Variants in UBE4A observed in about 807,000 individuals in gnomAD.
UBE4A encodes the protein ubiquitin conjugation factor E4 A.
UBE4A carries 48 observed loss-of-function variants against 117.9 expected under a neutral mutation model. The observed-to-expected ratio is 0.41, with a 90% CI of 0.32 to 0.52. The LOEUF is 0.52. UBE4A is among the 20% of genes least tolerant of loss of function. The pLI is 0.33. For synonymous variants in UBE4A, 407 were observed against 450.0 expected, an observed-to-expected ratio of 0.90 and a Z score of 1.21; for missense variants, 1,067 against 1,296.3, an observed-to-expected ratio of 0.82 and a Z score of 2.72.
intron 12 of UBE4A, 78 bp from the exon 13 acceptor site, chr11:118,382,511 A>G: frequency 2.4e-6 from 3 of 1,235,520 alleles, no homozygotes; most frequent in Non-Finnish European, 3.1e-6. Flanking sequence ...GTGGATTTTG[A>G]TTCTTATGTG....
chr11:118,384,526 T>G (rs1347540401), intron 13 of UBE4A, 109 bp from the exon 14 acceptor site: 103 of 995,744 alleles, frequency 1.0e-4, no homozygotes, highest in Non-Finnish European at 1.4e-4. Context: ...GTTAGTAGCC[T>G]TAACACACTC....
At chr11:118,384,550 T>C in intron 13 of UBE4A, 85 bp from the exon 14 acceptor site, 3 of 1,291,626 alleles carry the variant, frequency 2.3e-6, no homozygotes, top group Non-Finnish European at 3.3e-6. Flanking sequence ...AGCAAATGAC[T>C]ACAAAGCAAA....
rs964152672 is a variant in UBE4A at position 118,382,522 on chromosome 11, G to A, written c.2010-67G>A. The stretch of plus-strand genomic sequence containing the variant: ...TAGGGTGGATTTTGATTCTTATGTG[G>A]AGAGAACAGAGTCATAAATTTGGAG... On this transcript the variant is annotated intron_variant, in intron 12 of 19. Coordinates refer to ENST00000252108, the MANE Select transcript of UBE4A (RefSeq NM_001204077.2). The A allele has an allele frequency of 1.7e-5, 22 of 1,302,788 alleles. No homozygotes were observed. In the South Asian group the frequency reaches 5.1e-4, roughly 30 times the overall value. 80.7% of individuals were successfully genotyped at this position (1,302,788 alleles called of 1,614,324 possible).
intron 19 of UBE4A, among the ~76,000 whole-genome samples, chr11:118,395,319 G>A (rs1220769160): frequency 2.8e-5 from 4 of 143,144 alleles, no homozygotes; most frequent in Non-Finnish European, 6.0e-5. Flanking sequence ...AACAGAACAA[G>A]ACTCCATCTC....
chr11:118,392,061 T>C (rs1948824274), intron 18 of UBE4A, among the ~76,000 whole-genome samples: 1 of 152,210 alleles, frequency 6.6e-6, no homozygotes, highest in South Asian at 2.1e-4. Context: ...AATACTATAT[T>C]GTATTTAGCT....
At chr11:118,363,810 G>T (rs962589457) in intron 1 of UBE4A, among the ~76,000 whole-genome samples, 2 of 151,948 alleles carry the variant, frequency 1.3e-5, no homozygotes, top group East Asian at 1.9e-4. Flanking sequence ...TAGAGATGGG[G>T]TTTCACCATG....
Position 118,375,219 on chromosome 11 carries a change from A to C in UBE4A, c.1440A>C (p.Val480=). Residue 480 remains valine, a synonymous_variant, in exon 9 of 20, where the codon GTA becomes GTC. Transcript: ENST00000252108. ...LNDEERKIKN[V]HMRGLDKETC... ...ATGAAGAACGAAAAATTAAAAATGT[A>C]CACATGAGAGGTAGGAGAGAACCAG... The C allele has an allele frequency of 6.2e-7, 1 of 1,606,834 alleles. No homozygotes were observed. Among genetic ancestry groups the C allele is most frequent in the Non-Finnish European group, 8.5e-7 (1 of 1,174,964 alleles).
In UBE4A at chr11:118,371,625, T is replaced by A; in HGVS notation, c.520T>A (p.Phe174Ile). The A allele has an allele frequency of 6.2e-7, 1 of 1,613,598 alleles. No homozygotes were observed. Among genetic ancestry groups the A allele is most frequent in the Non-Finnish European group, 8.5e-7 (1 of 1,180,006 alleles). ...TCGAGATGCAGGAGAGAGGCACATT[T>A]TTTGTTACCTTTACTCCTGCTTCCA... ...ADRDAGERHI[F>I]CYLYSCFQRA... is the part of the protein sequence containing the mutation. Residue 174 changes from phenylalanine to isoleucine, a missense_variant, in exon 5 of 20, where the codon TTT (phenylalanine) becomes ATT (isoleucine). This residue lies in a region of UBE4A where 1,001 missense variants were observed against 1,184.0 expected (regional missense o/e 0.85). Coordinates refer to ENST00000252108, the MANE Select transcript of UBE4A (RefSeq NM_001204077.2).
At position 118,398,916 on chromosome 11, in the gene UBE4A, T is replaced by C; in HGVS notation, c.*2476T>C. 1 of 276,218 alleles carries C rather than the reference T, an allele frequency of 3.6e-6. No individual in the cohort carries two copies. Among genetic ancestry groups the C allele is most frequent in the South Asian group, 2.9e-5 (1 of 34,172 alleles). 17.1% of individuals were successfully genotyped at this position (276,218 alleles called of 1,614,324 possible). On this transcript the variant is annotated 3_prime_UTR_variant, in exon 20 of 20. Coordinates refer to ENST00000252108, the MANE Select transcript of UBE4A (RefSeq NM_001204077.2). ...ATATCACACTCTACAAAAGCTTCAT[T>C]ACTTTATTTGATGGTGGTTGCTAAG...
Position 118,369,315 on chromosome 11 carries a change from G to C in UBE4A, c.296-108G>C, listed in dbSNP as rs111402116. 2.2e-4 allele frequency: 158 copies of C among 729,418 alleles called. No homozygotes were observed. In the African/African-American group the frequency reaches 2.5e-3, roughly 11 times the overall value. 45.2% of individuals were successfully genotyped at this position (729,418 alleles called of 1,614,324 possible). A position where few individuals can be genotyped will look rare whatever the true frequency, so the allele number is the denominator to read the frequency against. On this transcript the variant is annotated intron_variant, in intron 3 of 19. Coordinates refer to ENST00000252108, the MANE Select transcript of UBE4A (RefSeq NM_001204077.2). Reference sequence around the variant, plus strand: ...TGCTTTGTGTATCAGGATCATTCTGGTATTACTTGAGTCAGATTTGCAGTT... The same window carrying C: ...TGCTTTGTGTATCAGGATCATTCTGCTATTACTTGAGTCAGATTTGCAGTT...
chr11:118,378,608 A>G (rs923374442), intron 10 of UBE4A: 3 of 152,252 alleles, frequency 2.0e-5, no homozygotes, highest in Admixed American at 1.3e-4. Context: ...GCATTTTTCA[A>G]AACTACTCAG....
At chr11:118,387,943 C>T (rs1472972735) in intron 16 of UBE4A, among the ~76,000 whole-genome samples, 1 of 152,086 alleles carries the variant, frequency 6.6e-6, no homozygotes, top group Non-Finnish European at 1.5e-5. Flanking sequence ...AGGATGGAAA[C>T]ATCCAGAAAG....
Position 118,399,095 on chromosome 11 carries a change from A to G in UBE4A, c.*2655A>G. The G allele has an allele frequency of 2.2e-6, 1 of 456,338 alleles. No homozygotes were observed. The highest frequency in any genetic ancestry group is 1.6e-5 in the South Asian group (1 of 64,468). 28.3% of individuals were successfully genotyped at this position (456,338 alleles called of 1,614,324 possible). Reference sequence around the variant, plus strand: ...AGAAAATGAAAAGGTTGATTGAAATAAAACTTGATCAACGCGACTGTATTT... The same window carrying G: ...AGAAAATGAAAAGGTTGATTGAAATGAAACTTGATCAACGCGACTGTATTT... On this transcript the variant is annotated 3_prime_UTR_variant, in exon 20 of 20. Coordinates refer to ENST00000252108, the MANE Select transcript of UBE4A (RefSeq NM_001204077.2).
intron 19 of UBE4A, 104 bp downstream of exon 19, chr11:118,392,999 C>T (rs372217126): frequency 9.7e-6 from 11 of 1,128,468 alleles, no homozygotes; most frequent in African/African-American, 3.2e-5. Context: ...ACACATACCA[C>T]ATATTATTGA....
At chr11:118,392,939 T>A in intron 19 of UBE4A, 44 bp downstream of exon 19, 1 of 1,572,258 alleles carries the variant, frequency 6.4e-7, no homozygotes, top group Non-Finnish European at 8.6e-7. Context: ...ATATATATAT[T>A]AGTTTGCTAT....
intron 6 of UBE4A, 102 bp downstream of exon 6, chr11:118,372,768 A>G (rs1205571059): frequency 1.3e-5 from 20 of 1,539,078 alleles, no homozygotes; most frequent in Non-Finnish European, 1.8e-5. Flanking sequence ...TGGTTCTGGT[A>G]TAAATTAAGG....
In UBE4A at chr11:118,368,631, A is replaced by G; in HGVS notation, c.122A>G (p.Asp41Gly). The G allele has an allele frequency of 1.9e-6, 3 of 1,614,084 alleles. No homozygotes were observed. The highest frequency in any genetic ancestry group is 1.7e-6 in the Non-Finnish European group (2 of 1,179,974). ...TTTAACAGTATACATTTTCTGGCAG[A>G]TGAACTCCCAGCTAGCCCAGATGAC... ...IQKEQLKQQS[D>G]ELPASPDDSD... Residue 41 changes from aspartate (D) to glycine (G), a missense_variant and splice_region_variant, in exon 3 of 20, where the codon GAT becomes GGT. Coordinates refer to ENST00000252108, the MANE Select transcript of UBE4A (RefSeq NM_001204077.2).
intron 15 of UBE4A, 129 bp from the exon 16 acceptor site, chr11:118,386,309 C>G: frequency 1.0e-6 from 1 of 996,686 alleles, no homozygotes. Context: ...GAAATAAAGG[C>G]TCATGTCTTT....
In UBE4A at chr11:118,375,137, G is replaced by T; in HGVS notation, c.1358G>T (p.Arg453Ile). ...LKLCQPFCKP[R>I]SSRLLTFNPT... ...CTATGCCAGCCATTTTGCAAACCCA[G>T]ATCCTCTCGGCTCCTCACCTTTAAT... The change falls in exon 9 of 20, where the codon AGA becomes ATA. Residue 453 changes from arginine to isoleucine, a missense_variant. This residue lies in a region of UBE4A where 1,001 missense variants were observed against 1,184.0 expected (regional missense o/e 0.85). Transcript: ENST00000252108. The T allele has an allele frequency of 1.2e-6, 2 of 1,614,192 alleles. No homozygotes were observed. Among genetic ancestry groups the T allele is most frequent in the African/African-American group, 1.3e-5 (1 of 75,052 alleles).
Sources: gnomAD v4.1 joint callset for allele counts (sites outside exome capture counted in the v4.1 genomes callset) on GRCh38, gnomAD v4.1.1 for gene constraint, gnomAD v4.1.1 regional missense constraint, MANE v1.5 for transcripts, NCBI Gene and HGNC (gene_info 2026-07-23, HGNC 2026-07-21) for gene names.